The following JPH2 variants were observed in gnomAD, a reference collection of about 807,000 sequenced individuals.
JPH2 encodes junctophilin 2, also known as junctophilin-2.
A neutral mutation model predicts 55.9 loss-of-function variants in JPH2; 38 were observed. The observed-to-expected ratio is 0.68, with a 90% CI of 0.52 to 0.89. The LOEUF is 0.89. JPH2 is among the 40% of genes least tolerant of loss of function. The probability of loss-of-function intolerance (pLI) is 0.00; values close to 1 mark genes in which losing one functional copy is unlikely to be tolerated. For synonymous variants in JPH2, 480 were observed against 472.4 expected (o/e 1.02, Z -0.21); for missense variants, 964 against 1,037.6 (o/e 0.93, Z 0.97).
At chr20:44,114,565 A>AGTGTGT (rs3037626) in intron 5 of JPH2, among the ~76,000 whole-genome samples, 30 of 142,004 alleles carry the variant, frequency 2.1e-4, no homozygotes, top group African/African-American at 3.4e-4. Flanking sequence ...TAATGAAGTA[A>AGTGTGT]GTGTGTGTGT....
chr20:44,158,883 T>C (rs1376408345), intron 2 of JPH2, among the ~76,000 whole-genome samples: 1 of 151,894 alleles, frequency 6.6e-6, no homozygotes, highest in African/African-American at 2.4e-5. Flanking sequence ...TTAAGATGGG[T>C]GGCTGGGCAG....
chr20:44,133,350 C>A (rs1319249901), intron 2 of JPH2, among the ~76,000 whole-genome samples: 1 of 151,806 alleles, frequency 6.6e-6, no homozygotes, highest in Non-Finnish European at 1.5e-5. Context: ...TTTAAAATCT[C>A]ACATCTATTG....
intron 2 of JPH2, among the ~76,000 whole-genome samples, chr20:44,126,626 C>T (rs556692668): frequency 6.6e-6 from 1 of 152,168 alleles, no homozygotes; most frequent in Non-Finnish European, 1.5e-5. Context: ...AAGCCCCCTC[C>T]GCCCCCAAGG....
intron 2 of JPH2, among the ~76,000 whole-genome samples, chr20:44,131,739 C>T (rs772694798): frequency 5.3e-5 from 8 of 151,988 alleles, no homozygotes; most frequent in Non-Finnish European, 8.8e-5. Flanking sequence ...TTTAAAAATC[C>T]ATCATCTACA....
At position 44,109,726 on chromosome 20, in the gene JPH2, GAGAGCATCTTCAT is replaced by G. The variant is rs1381803154; in HGVS notation, c.*3779_*3791del. On this transcript the variant is annotated 3_prime_UTR_variant, in exon 6 of 6. Coordinates refer to ENST00000372980, the MANE Select transcript of JPH2 (RefSeq NM_020433.5). ...TGTATTCTGAGTCACTTATTTGGGG[GAGAGCATCTTCAT>G]ATCAGTTTTTCAGGCATGGCACCTC... is the stretch of plus-strand genomic sequence containing the variant. 2.0e-5 allele frequency among the ~76,000 whole-genome samples: 3 copies of G among 152,178 alleles called. No individual in the cohort carries two copies. Among genetic ancestry groups the G allele is most frequent in the African/African-American group, 4.8e-5 (2 of 41,426 alleles).
At chr20:44,135,348 AG>A (rs2072402863) in intron 2 of JPH2, among the ~76,000 whole-genome samples, 1 of 152,186 alleles carries the variant, frequency 6.6e-6, no homozygotes, top group Non-Finnish European at 1.5e-5. Context: ...CTAGTCAGAC[AG>A]AAACTTCCAG....
intron 2 of JPH2, among the ~76,000 whole-genome samples, chr20:44,133,439 A>C (rs2072338929): frequency 6.6e-6 from 1 of 152,222 alleles, no homozygotes; most frequent in East Asian, 1.9e-4. Context: ...TGTCCACTGA[A>C]TAGGGAAACT....
Position 44,186,835 on chromosome 20 carries a change from G to A in JPH2, c.-130C>T. ...CTCACCACTGCACCCCAGGAGGGGG[G>A]AAGCAGGATGCCAGCAGAGGCTGAA... On this transcript the variant is annotated 5_prime_UTR_variant, in exon 1 of 6. Coordinates refer to ENST00000372980, the MANE Select transcript of JPH2 (RefSeq NM_020433.5). The A allele has an allele frequency of 1.1e-6, 1 of 908,612 alleles. No homozygotes were observed. Among genetic ancestry groups the A allele is most frequent in the South Asian group, 1.6e-5 (1 of 64,510 alleles). 56.3% of individuals were successfully genotyped at this position (908,612 alleles called of 1,614,324 possible).
At chr20:44,161,982 CCA>C (rs1287533436) in intron 1 of JPH2, among the ~76,000 whole-genome samples, 1 of 152,090 alleles carries the variant, frequency 6.6e-6, no homozygotes, top group East Asian at 1.9e-4. Flanking sequence ...CTCACTCACC[CCA>C]CACACACACC....
In JPH2 at chr20:44,108,469, G is replaced by T. The variant is rs2072121353; in HGVS notation, c.*5049C>A. On this transcript the variant is annotated 3_prime_UTR_variant, in exon 6 of 6. Transcript: ENST00000372980. ...GGAGATCCCCAAACTTGTATCTGGGGTCTGAAGGGAGAGGGGGAGATTGTT... is the reference window on the plus strand; with the variant it reads ...GGAGATCCCCAAACTTGTATCTGGGTTCTGAAGGGAGAGGGGGAGATTGTT... Among the ~76,000 whole-genome samples, 1 of 152,142 alleles carries T rather than the reference G, an allele frequency of 6.6e-6. No homozygotes were observed. Among genetic ancestry groups the T allele is most frequent in the East Asian group, 1.9e-4 (1 of 5,170 alleles).
intron 2 of JPH2, among the ~76,000 whole-genome samples, chr20:44,131,721 T>C (rs902918664): frequency 2.0e-5 from 3 of 152,226 alleles, no homozygotes; most frequent in Non-Finnish European, 1.5e-5. Context: ...TGTTCAACCA[T>C]TTTTTTCTTT....
At chr20:44,161,645 GAT>G (rs1408897345) in intron 1 of JPH2, among the ~76,000 whole-genome samples, 16 of 151,934 alleles carry the variant, frequency 1.1e-4, no homozygotes, top group Admixed American at 9.8e-4. Context: ...TGAAAGCAAA[GAT>G]ATGTGTGTGA....
chr20:44,110,894 G>A lies in JPH2; in HGVS notation c.*2624C>T, dbSNP rs1569177239. Among the ~76,000 whole-genome samples, 1 of 152,208 alleles carries A rather than the reference G, an allele frequency of 6.6e-6. No homozygotes were observed. Among genetic ancestry groups the A allele is most frequent in the Non-Finnish European group, 1.5e-5 (1 of 68,042 alleles). ...CACATGGCCCATCAGTGATAGGGCT[G>A]GGTTGGGTAGGGGAGCCAGGCTCCT... On this transcript the variant is annotated 3_prime_UTR_variant, in exon 6 of 6. Transcript: ENST00000372980.
chr20:44,143,074 TGA>T (rs2072469094), intron 2 of JPH2, among the ~76,000 whole-genome samples: 1 of 151,808 alleles, frequency 6.6e-6, no homozygotes, highest in South Asian at 2.1e-4. Flanking sequence ...CAGGTGTTCG[TGA>T]GAGAGTAAAG....
intron 1 of JPH2, among the ~76,000 whole-genome samples, chr20:44,174,849 C>T (rs555197326): frequency 2.0e-4 from 31 of 152,092 alleles, no homozygotes; most frequent in African/African-American, 7.0e-4. Flanking sequence ...AAAAAGTAGC[C>T]GGTTGTGGTG....
At chr20:44,164,695 CAAACAA>C (rs2072642197) in intron 1 of JPH2, among the ~76,000 whole-genome samples, 1 of 151,740 alleles carries the variant, frequency 6.6e-6, no homozygotes, top group African/African-American at 2.4e-5. Flanking sequence ...AACAAACAAA[CAAACAA>C]ACAAACAAAC....
rs6031395 is a variant in JPH2, at chr20:44,111,668, C to T, written c.*1850G>A. 63,562 of 151,362 alleles carry T rather than the reference C, an allele frequency of 0.42. 13,715 individuals carry two copies. The highest frequency in any genetic ancestry group is 0.52 in the African/African-American group (21,462 of 41,108). The allele number at this position is 151,362 out of a possible 1,614,324, so 9.4% of individuals were successfully genotyped here. ...CTTGAGCCAGCCCCTCATCCTGGAC[C>T]CACAAGCACATTGCAGCCCAGCCAG... On this transcript the variant is annotated 3_prime_UTR_variant, in exon 6 of 6. Coordinates refer to ENST00000372980, the MANE Select transcript of JPH2 (RefSeq NM_020433.5).
rs1569194818 is a variant in JPH2 at position 44,134,602 on chromosome 20, TTATTATAAATATAATA to T, written c.1170-15995_1170-15980del. 3.3e-3 allele frequency among the ~76,000 whole-genome samples: 68 copies of T among 20,876 alleles called. 17 individuals carry two copies. The highest frequency in any genetic ancestry group is 9.2e-3 in the African/African-American group (39 of 4,260). 13.7% of individuals were successfully genotyped at this position (20,876 alleles called of 152,430 possible). Reference sequence around the variant, plus strand: ...ATTATAAATATATATAAATATATATTTATTATAAATATAATAAATATATATTTATTATAAATATATA... The same window carrying T: ...ATTATAAATATATATAAATATATATTAATATATATTTATTATAAATATATA... On this transcript the variant is annotated intron_variant, in intron 2 of 5. Coordinates refer to ENST00000372980, the MANE Select transcript of JPH2 (RefSeq NM_020433.5).
At chr20:44,115,613 C>T in intron 4 of JPH2, 52 bp downstream of exon 4, 1 of 1,611,000 alleles carries the variant, frequency 6.2e-7, no homozygotes, top group African/African-American at 1.3e-5. Flanking sequence ...CCCTCAAGCC[C>T]TGCTACCTCT....
Sources: allele counts gnomAD v4.1 joint callset (sites outside exome capture counted in the v4.1 genomes callset), GRCh38; gene constraint gnomAD v4.1.1; transcripts MANE v1.5; gene names NCBI Gene and HGNC (gene_info 2026-07-23, HGNC 2026-07-21).